The following TRIO variants were observed in gnomAD, a reference collection of about 807,000 sequenced individuals.
TRIO encodes trio Rho guanine nucleotide exchange factor, also known as triple functional domain protein.
In TRIO, 58 loss-of-function variants were observed where a neutral mutation model predicts 351.9. That is an observed-to-expected ratio of 0.16 (90% CI 0.13 to 0.21). The LOEUF is 0.21. TRIO is among the 10% of genes least tolerant of loss of function. The pLI is 1.00. For missense variants in TRIO, 3,201 were observed against 4,027.8 expected (o/e 0.79, Z 5.56); for synonymous variants, 1,758 against 1,595.7 (o/e 1.10, Z -2.42).
intron 21 of TRIO, among the ~76,000 whole-genome samples, chr5:14,386,758 A>G (rs1023697447): frequency 4.6e-5 from 7 of 152,240 alleles, no homozygotes; most frequent in Non-Finnish European, 8.8e-5. Context: ...GCTTAACTTA[A>G]TGAAAGATCT....
intron 1 of TRIO, among the ~76,000 whole-genome samples, chr5:14,227,749 C>T (rs1793140183): frequency 6.6e-6 from 1 of 152,146 alleles, no homozygotes; most frequent in African/African-American, 2.4e-5. Context: ...CTGATACGGA[C>T]TCTTAACTCT....
chr5:14,427,464 C>A (rs867709841), intron 34 of TRIO, among the ~76,000 whole-genome samples: 1 of 152,212 alleles, frequency 6.6e-6, no homozygotes. Context: ...CCCAGCCAAC[C>A]CCAGCACGGG....
In TRIO at chr5:14,349,235, T is replaced by TG. The variant is rs536337016; in HGVS notation, c.2047-8943_2047-8942insG. ...GATCATGTGTGTTTTTCCTGTGTGT[T>TG]TGTGTGTGCACACACGTGAGCATGT... On this transcript the variant is annotated intron_variant, in intron 11 of 56. Coordinates refer to ENST00000344204, the MANE Select transcript of TRIO (RefSeq NM_007118.4). 4.3e-3 allele frequency among the ~76,000 whole-genome samples: 615 copies of TG among 141,572 alleles called. 3 individuals carry two copies. The highest frequency in any genetic ancestry group is 0.015 in the African/African-American group (566 of 38,424). 92.9% of individuals were successfully genotyped at this position (141,572 alleles called of 152,430 possible).
chr5:14,222,880 C>G (rs1792737802), intron 1 of TRIO, among the ~76,000 whole-genome samples: 3 of 152,220 alleles, frequency 2.0e-5, no homozygotes, highest in Admixed American at 6.5e-5. Context: ...GGCTGCCGTT[C>G]CTCTTGCCCT....
intron 10 of TRIO, among the ~76,000 whole-genome samples, chr5:14,331,697 G>A (rs1216614548): frequency 6.6e-6 from 1 of 152,070 alleles, no homozygotes; most frequent in East Asian, 1.9e-4. Flanking sequence ...TTCAGAATTT[G>A]TTTTAGACAC....
intron 34 of TRIO, among the ~76,000 whole-genome samples, chr5:14,429,327 C>A (rs897521185): frequency 6.6e-6 from 1 of 152,106 alleles, no homozygotes; most frequent in Non-Finnish European, 1.5e-5. Context: ...TTGGCTCTTG[C>A]CTTATGTTCC....
chr5:14,340,240 CA>C (rs1214725966), intron 11 of TRIO, among the ~76,000 whole-genome samples: 11 of 151,488 alleles, frequency 7.3e-5, no homozygotes, highest in Non-Finnish European at 7.4e-5. Flanking sequence ...ACTAAAAATA[CA>C]AAAAAATTAG....
At chr5:14,310,975 C>T (rs1738873141) in intron 8 of TRIO, among the ~76,000 whole-genome samples, 1 of 152,228 alleles carries the variant, frequency 6.6e-6, no homozygotes, top group African/African-American at 2.4e-5. Flanking sequence ...CGTGAGCCAC[C>T]ACGCCCAGCT....
chr5:14,427,560 G>A (rs56945033), intron 34 of TRIO, among the ~76,000 whole-genome samples: 1,901 of 152,308 alleles, frequency 0.012, 38 homozygotes, highest in African/African-American at 0.044. Flanking sequence ...CAAGGTGCCA[G>A]GACAGAGAAG....
At chr5:14,186,869 C>T (rs1267872631) in intron 1 of TRIO, among the ~76,000 whole-genome samples, 2 of 152,164 alleles carry the variant, frequency 1.3e-5, no homozygotes, top group Admixed American at 6.5e-5. Flanking sequence ...TGAGCCACCA[C>T]GCCTGGCTAG....
At chr5:14,190,545 A>AT (rs1790391205) in intron 1 of TRIO, among the ~76,000 whole-genome samples, 1 of 152,130 alleles carries the variant, frequency 6.6e-6, no homozygotes, top group African/African-American at 2.4e-5. Context: ...AGGAGAGTGC[A>AT]TTTGGTGCCG....
At chr5:14,402,776 TGATGGTGGTGAGGTTGTA>T (rs1335986461) in intron 31 of TRIO, among the ~76,000 whole-genome samples, 4 of 151,702 alleles carry the variant, frequency 2.6e-5, no homozygotes, top group Non-Finnish European at 2.9e-5. Context: ...ACTTTGGTGG[TGATGGTGGTGAGGTTGTA>T]GATGGAGGTC....
chr5:14,272,253 C>G (rs994353197), intron 2 of TRIO, among the ~76,000 whole-genome samples: 1 of 152,158 alleles, frequency 6.6e-6, no homozygotes, highest in Non-Finnish European at 1.5e-5. Context: ...AAGCTGAGTT[C>G]ATGTGTTTAT....
At chr5:14,501,107 TA>T (rs919448753) in intron 53 of TRIO, among the ~76,000 whole-genome samples, 3 of 151,722 alleles carry the variant, frequency 2.0e-5, no homozygotes, top group African/African-American at 4.8e-5. Flanking sequence ...CCCTTTCAGT[TA>T]AAAAAAGAAG....
At chr5:14,464,346 C>G (rs1754079123) in intron 36 of TRIO, among the ~76,000 whole-genome samples, 1 of 152,208 alleles carries the variant, frequency 6.6e-6, no homozygotes, top group South Asian at 2.1e-4. Context: ...GTGACCTGCA[C>G]TGTATCCTTC....
chr5:14,472,972 A>C (rs1579758526), intron 39 of TRIO, among the ~76,000 whole-genome samples: 1 of 152,348 alleles, frequency 6.6e-6, no homozygotes, highest in East Asian at 1.9e-4. Context: ...TAGTTAGTAG[A>C]CAGGAATCTT....
chr5:14,211,740 T>C (rs1026285819), intron 1 of TRIO, among the ~76,000 whole-genome samples: 1 of 152,002 alleles, frequency 6.6e-6, no homozygotes, highest in African/African-American at 2.4e-5. Flanking sequence ...ATCTTTTTAG[T>C]ATTCTGATCA....
chr5:14,485,377 G>A, intron 47 of TRIO, 131 bp downstream of exon 47: 1 of 945,322 alleles, frequency 1.1e-6, no homozygotes, highest in Non-Finnish European at 1.5e-6. Flanking sequence ...GCACTGCCTA[G>A]ATATTGCTTT....
intron 49 of TRIO, 105 bp from the exon 50 acceptor site, chr5:14,496,774 C>T: frequency 3.4e-6 from 5 of 1,464,306 alleles, no homozygotes; most frequent in Non-Finnish European, 4.6e-6. Flanking sequence ...TCCCATCCCC[C>T]TGCACACACA....
Sources: allele counts gnomAD v4.1 joint callset (sites outside exome capture counted in the v4.1 genomes callset), GRCh38; gene constraint gnomAD v4.1.1; transcripts MANE v1.5; gene names NCBI Gene and HGNC (gene_info 2026-07-23, HGNC 2026-07-21).